The following AGAP1 variants were observed in gnomAD, a reference collection of about 807,000 sequenced individuals.
AGAP1 encodes ArfGAP with GTPase domain, ankyrin repeat and PH domain 1.
Under a neutral mutation model 105.3 loss-of-function variants are expected in AGAP1, and 29 were observed. The ratio of observed to expected loss-of-function variants is 0.28; its 90% CI spans 0.21 to 0.38. The LOEUF is 0.38. Among genes scored for constraint, AGAP1 ranks in the 10% least tolerant of loss-of-function variants. The pLI is 1.00. For synonymous variants in AGAP1, 509 were observed against 485.9 expected (o/e 1.05, Z -0.63); for missense variants, 998 against 1,165.1 (o/e 0.86, Z 2.09).
intron 9 of AGAP1, among the ~76,000 whole-genome samples, chr2:235,861,514 AG>A (rs1464792420): frequency 6.6e-6 from 1 of 152,226 alleles, no homozygotes; most frequent in African/African-American, 2.4e-5. Flanking sequence ...GCTTTCGTAG[AG>A]GACATTTGGT....
chr2:235,548,035 G>A (rs561622193), intron 1 of AGAP1, among the ~76,000 whole-genome samples: 2 of 152,332 alleles, frequency 1.3e-5, no homozygotes, highest in African/African-American at 2.4e-5. Flanking sequence ...GCCAAGCTGC[G>A]GACAGAGGGT....
chr2:235,909,894 G>A (rs1033099800), intron 11 of AGAP1, among the ~76,000 whole-genome samples: 2 of 152,082 alleles, frequency 1.3e-5, no homozygotes, highest in African/African-American at 4.8e-5. Flanking sequence ...GGTAGCAGGT[G>A]CCTGTAATCT....
At chr2:235,984,664 C>T (rs1435967744) in intron 13 of AGAP1, among the ~76,000 whole-genome samples, 1 of 151,938 alleles carries the variant, frequency 6.6e-6, no homozygotes, top group Non-Finnish European at 1.5e-5. Flanking sequence ...CATGTGTTCT[C>T]GATGTTCAAT....
intron 1 of AGAP1, among the ~76,000 whole-genome samples, chr2:235,528,214 C>A (rs910328749): frequency 6.6e-6 from 1 of 152,162 alleles, no homozygotes; most frequent in East Asian, 1.9e-4. Context: ...CCATCCCCCC[C>A]ACATTCAGGA....
chr2:235,509,119 A>T (rs1377263983), intron 1 of AGAP1, among the ~76,000 whole-genome samples: 1 of 152,228 alleles, frequency 6.6e-6, no homozygotes, highest in Non-Finnish European at 1.5e-5. Context: ...GATGTGAACG[A>T]TTACTTATAG....
intron 9 of AGAP1, among the ~76,000 whole-genome samples, chr2:235,813,128 G>T (rs1958249570): frequency 6.6e-6 from 1 of 152,190 alleles, no homozygotes; most frequent in Non-Finnish European, 1.5e-5. Context: ...GCCTACACGT[G>T]AAATGACAGT....
At position 235,642,844 on chromosome 2, in the gene AGAP1, C is replaced by T. The variant is rs1334131578; in HGVS notation, c.164-66335C>T. ...TTTGCTTTGCAAAGATTAGGCAAAT[C>T]CCAGGTTGCTGAGTCTTGGCAGATT... On this transcript the variant is annotated intron_variant, in intron 1 of 17. Transcript: ENST00000304032. The surrounding 1 kb of genome is among the most constrained non-coding windows in gnomAD (Gnocchi z 4.1). Among the ~76,000 whole-genome samples, 1 of 152,188 alleles carries T rather than the reference C, an allele frequency of 6.6e-6. No homozygotes were observed. The highest frequency in any genetic ancestry group is 1.9e-4 in the East Asian group (1 of 5,190).
chr2:235,591,281 G>A (rs1945330844), intron 1 of AGAP1, among the ~76,000 whole-genome samples: 1 of 152,210 alleles, frequency 6.6e-6, no homozygotes, highest in South Asian at 2.1e-4. Context: ...CTCCCAAACT[G>A]TTGGGACTGC....
At position 236,092,638 on chromosome 2, in the gene AGAP1, C is replaced by T. The variant is rs1034355086; in HGVS notation, c.2115-27554C>T. 6.6e-6 allele frequency among the ~76,000 whole-genome samples: 1 copy of T among 152,190 alleles called. No homozygotes were observed. The highest frequency in any genetic ancestry group is 1.5e-5 in the Non-Finnish European group (1 of 68,034). Reference sequence around the variant, plus strand: ...CGATCTCCTGACCTCATGATCCACCCGCCTTGGCCTCCCAAAGTGCTGGGA... The same window carrying T: ...CGATCTCCTGACCTCATGATCCACCTGCCTTGGCCTCCCAAAGTGCTGGGA... On this transcript the variant is annotated intron_variant, in intron 16 of 17. Transcript: ENST00000304032. This position sits in a 1 kb window ranked among gnomAD's most constrained non-coding sequence, Gnocchi z 4.7.
intron 16 of AGAP1, among the ~76,000 whole-genome samples, chr2:236,067,450 A>G (rs2058376340): frequency 6.6e-6 from 1 of 152,164 alleles, no homozygotes; most frequent in African/African-American, 2.4e-5. Context: ...AAAAATTATA[A>G]TGAAAAATAC....
intron 9 of AGAP1, among the ~76,000 whole-genome samples, chr2:235,873,208 C>T (rs2049531150): frequency 6.6e-6 from 1 of 152,126 alleles, no homozygotes; most frequent in East Asian, 1.9e-4. Context: ...TCTCTGATTC[C>T]CACTTGGTAC....
chr2:235,826,587 T>C (rs1031287687), intron 9 of AGAP1, among the ~76,000 whole-genome samples: 29 of 152,134 alleles, frequency 1.9e-4, no homozygotes, highest in Middle Eastern at 3.4e-3. Context: ...GTAGCTGGGA[T>C]TACAGGCGCC....
chr2:235,775,519 T>C (rs1471190756), intron 6 of AGAP1: 1 of 152,188 alleles, frequency 6.6e-6, no homozygotes, highest in African/African-American at 2.4e-5. Flanking sequence ...GAAAAATAAA[T>C]GTACTTTGCT....
chr2:235,913,173 C>A (rs2051701694), intron 11 of AGAP1, among the ~76,000 whole-genome samples: 2 of 152,080 alleles, frequency 1.3e-5, no homozygotes, highest in Non-Finnish European at 2.9e-5. Context: ...GAAAACCTTT[C>A]ATAATCTTGA....
rs527536839 is a variant in AGAP1, at chr2:236,129,998, G to C, written c.*5876G>C. ...GCACCTGTTGGGTAGAACTGTTCTT[G>C]TCTGAGGTCCTCACCCTCTACAGAT... On this transcript the variant is annotated 3_prime_UTR_variant, in exon 18 of 18. Transcript: ENST00000304032. This position sits in a 1 kb window ranked among gnomAD's most constrained non-coding sequence, Gnocchi z 6.2. The C allele has an allele frequency of 2.6e-5, 4 of 152,350 alleles. No homozygotes were observed. Among genetic ancestry groups the C allele is most frequent in the African/African-American group, 9.6e-5 (4 of 41,582 alleles). The allele number at this position is 152,350 out of a possible 1,614,324, so 9.4% of individuals were successfully genotyped here. A position where few individuals can be genotyped will look rare whatever the true frequency, so the allele number is the denominator to read the frequency against.
Position 235,958,089 on chromosome 2 carries a change from T to C in AGAP1, c.1484-10373T>C, listed in dbSNP as rs923505855. 6.6e-6 allele frequency among the ~76,000 whole-genome samples: 1 copy of C among 152,186 alleles called. No homozygotes were observed. The highest frequency in any genetic ancestry group is 2.4e-5 in the African/African-American group (1 of 41,438). On this transcript the variant is annotated intron_variant, in intron 12 of 17. Transcript: ENST00000304032. The surrounding 1 kb of genome is among the most constrained non-coding windows in gnomAD (Gnocchi z 4.1). ...TTTTTCCATATAGATGCATGCTTCT[T>C]ATGAACATGTTTTAAAGCATTTTGT...
intron 9 of AGAP1, among the ~76,000 whole-genome samples, chr2:235,840,889 C>G (rs1960752746): frequency 6.6e-6 from 1 of 151,774 alleles, no homozygotes; most frequent in East Asian, 1.9e-4. Context: ...GCAATGAGAG[C>G]TAAGGACCAC....
At chr2:235,892,513 G>A (rs896888382) in intron 10 of AGAP1, among the ~76,000 whole-genome samples, 2 of 151,294 alleles carry the variant, frequency 1.3e-5, no homozygotes, top group African/African-American at 4.9e-5. Context: ...CTTCTTTACT[G>A]ATGTAAAGAC....
chr2:235,600,393 T>C lies in AGAP1; in HGVS notation c.163+105544T>C, dbSNP rs1043892343. On this transcript the variant is annotated intron_variant, in intron 1 of 17. Coordinates refer to ENST00000304032, the MANE Select transcript of AGAP1 (RefSeq NM_001037131.3). This position sits in a 1 kb window ranked among gnomAD's most constrained non-coding sequence, Gnocchi z 4.8. ...GAGCCCTCACCTGAAGCCCTCCTCT[T>C]ACCCACCCTCTGCCCTATAGACCCC... Among the ~76,000 whole-genome samples the C allele has an allele frequency of 4.6e-5, 7 of 152,094 alleles. No homozygotes were observed. The highest frequency in any genetic ancestry group is 1.0e-4 in the Non-Finnish European group (7 of 68,014).
Sources: allele counts gnomAD v4.1 joint callset (sites outside exome capture counted in the v4.1 genomes callset), GRCh38; gene constraint gnomAD v4.1.1; non-coding constraint Gnocchi (gnomAD v3.1); transcripts MANE v1.5; gene names NCBI Gene and HGNC (gene_info 2026-07-23, HGNC 2026-07-21).